AGBL1: variants seen among roughly 807,000 people sequenced by gnomAD.
AGBL1 encodes AGBL carboxypeptidase 1, also known as cytosolic carboxypeptidase 4.
Under a neutral mutation model 118.9 loss-of-function variants are expected in AGBL1, and 130 were observed. The observed-to-expected ratio is 1.09, with a 90% CI of 0.95 to 1.26. AGBL1 has a LOEUF of 1.26. AGBL1 is among the 50% of genes most tolerant of loss of function. The probability of loss-of-function intolerance (pLI) is 0.00; values close to 1 mark genes in which losing one functional copy is unlikely to be tolerated. For synonymous variants in AGBL1, 555 were observed against 478.9 expected, an observed-to-expected ratio of 1.16 and a Z score of -2.08; for missense variants, 1,584 against 1,298.1, an observed-to-expected ratio of 1.22 and a Z score of -3.38.
chr15:86,315,442 C>T (rs913467502), intron 17 of AGBL1, among the ~76,000 whole-genome samples: 8 of 152,028 alleles, frequency 5.3e-5, no homozygotes, highest in Admixed American at 3.3e-4. Flanking sequence ...TGGGGCCGGG[C>T]GCAGTGGCTC....
intron 23 of AGBL1, chr15:86,987,915 C>T (rs991963810): frequency 4.7e-5 from 70 of 1,495,774 alleles, no homozygotes; most frequent in South Asian, 1.3e-4. Flanking sequence ...TTTTAAAATC[C>T]ATCTATAATA....
intron 24 of AGBL1, chr15:86,988,405 G>T: frequency 5.2e-6 from 1 of 192,060 alleles, no homozygotes; most frequent in Non-Finnish European, 1.1e-5. Flanking sequence ...TATACACCAA[G>T]GTTTCATTGG....
At chr15:86,952,164 G>A (rs1596668693) in intron 23 of AGBL1, among the ~76,000 whole-genome samples, 1 of 140,294 alleles carries the variant, frequency 7.1e-6, no homozygotes, top group Non-Finnish European at 1.7e-5. Context: ...GCAGCAGACA[G>A]AGTTTGCAGT....
intron 6 of AGBL1, among the ~76,000 whole-genome samples, chr15:86,243,060 G>T (rs777892588): frequency 7.6e-4 from 115 of 152,190 alleles, no homozygotes; most frequent in Non-Finnish European, 7.9e-4. Flanking sequence ...TCAACCTGTG[G>T]ACTGCTTGCC....
At chr15:86,410,493 C>G (rs2142008308) in intron 18 of AGBL1, among the ~76,000 whole-genome samples, 1 of 152,044 alleles carries the variant, frequency 6.6e-6, no homozygotes, top group South Asian at 2.1e-4. Flanking sequence ...AACTTCTCTA[C>G]TCCTGTTTGC....
intron 21 of AGBL1, among the ~76,000 whole-genome samples, chr15:86,574,813 A>G (rs2084062202): frequency 6.6e-6 from 1 of 151,488 alleles, no homozygotes; most frequent in Non-Finnish European, 1.5e-5. Context: ...CCTGACCTCA[A>G]GTGACCTACC....
At chr15:86,368,166 A>G (rs2080919329) in intron 17 of AGBL1, among the ~76,000 whole-genome samples, 1 of 152,184 alleles carries the variant, frequency 6.6e-6, no homozygotes, top group Non-Finnish European at 1.5e-5. Flanking sequence ...CCAAGATGCC[A>G]TAGCCCTAAT....
At chr15:86,106,884 T>G (rs564329821) in intron 1 of AGBL1, among the ~76,000 whole-genome samples, 1 of 152,198 alleles carries the variant, frequency 6.6e-6, no homozygotes, top group Non-Finnish European at 1.5e-5. Context: ...CAGAGCCATC[T>G]CCTAACTCCC....
chr15:86,890,812 T>C (rs755076047), intron 22 of AGBL1, among the ~76,000 whole-genome samples: 3 of 152,210 alleles, frequency 2.0e-5, no homozygotes, highest in Non-Finnish European at 4.4e-5. Flanking sequence ...TAGTTTGAAG[T>C]CAGGTAGCAT....
chr15:86,556,138 C>T (rs1003249145), intron 21 of AGBL1: 3 of 1,132,272 alleles, frequency 2.6e-6, no homozygotes, highest in African/African-American at 3.1e-5. Context: ...CACAATAAAT[C>T]AGCTGGAAAC....
At chr15:86,822,910 A>C (rs1303129891) in intron 22 of AGBL1, among the ~76,000 whole-genome samples, 1 of 152,140 alleles carries the variant, frequency 6.6e-6, no homozygotes, top group Non-Finnish European at 1.5e-5. Flanking sequence ...TGGTAAGTAC[A>C]TGCTCTTACA....
intron 1 of AGBL1, among the ~76,000 whole-genome samples, chr15:86,120,051 G>T (rs894777626): frequency 6.6e-6 from 1 of 151,942 alleles, no homozygotes; most frequent in Admixed American, 6.6e-5. Flanking sequence ...TTATTCATTC[G>T]ATATACTGAA....
At chr15:86,994,346 G>A (rs758572375) in intron 24 of AGBL1, among the ~76,000 whole-genome samples, 3 of 151,958 alleles carry the variant, frequency 2.0e-5, no homozygotes, top group Non-Finnish European at 2.9e-5. Flanking sequence ...ATCTCTCTAC[G>A]TCCCAGGATG....
At chr15:86,080,178 C>A in intron 1 of AGBL1, 155 bp downstream of exon 1, 1 of 431,988 alleles carries the variant, frequency 2.3e-6, no homozygotes, top group South Asian at 1.3e-4. Context: ...TGAAGCTGAC[C>A]TAAGTGATGC....
intron 22 of AGBL1, among the ~76,000 whole-genome samples, chr15:86,870,850 C>T (rs564538225): frequency 3.9e-5 from 6 of 152,266 alleles, no homozygotes; most frequent in African/African-American, 1.4e-4. Flanking sequence ...TGGATCTGAT[C>T]TTTCAGTTTG....
intron 5 of AGBL1, among the ~76,000 whole-genome samples, chr15:86,222,422 A>G (rs769026422): frequency 7.9e-5 from 12 of 151,726 alleles, no homozygotes; most frequent in Non-Finnish European, 1.6e-4. Context: ...GCCATCACTG[A>G]CTCTTCACTC....
intron 23 of AGBL1, among the ~76,000 whole-genome samples, chr15:86,943,856 T>G (rs2141658507): frequency 6.6e-6 from 1 of 152,314 alleles, no homozygotes; most frequent in East Asian, 1.9e-4. Context: ...GCTGTCTGCC[T>G]AAATCATTTC....
intron 22 of AGBL1, among the ~76,000 whole-genome samples, chr15:86,709,763 A>G (rs879811131): frequency 5.3e-5 from 8 of 152,170 alleles, no homozygotes; most frequent in Admixed American, 3.3e-4. Context: ...ACCTCCATCT[A>G]CTTTGTCCTT....
chr15:86,381,364 G>T (rs924819241), intron 17 of AGBL1, among the ~76,000 whole-genome samples: 1 of 151,950 alleles, frequency 6.6e-6, no homozygotes, highest in Non-Finnish European at 1.5e-5. Flanking sequence ...ACAATTAAAT[G>T]TTTATTTCAA....
Sources: gnomAD v4.1 joint callset for allele counts (sites outside exome capture counted in the v4.1 genomes callset) on GRCh38, gnomAD v4.1.1 for gene constraint, MANE v1.5 for transcripts, NCBI Gene and HGNC (gene_info 2026-07-23, HGNC 2026-07-21) for gene names.